The following SOAT1 variants were observed in gnomAD, a reference collection of about 807,000 sequenced individuals.
SOAT1 encodes sterol O-acyltransferase 1.
Under a neutral mutation model 69.5 loss-of-function variants are expected in SOAT1, and 55 were observed. That is an observed-to-expected ratio of 0.79 (90% CI 0.64 to 0.99). The LOEUF (loss-of-function observed/expected upper bound fraction) is 0.99. Ranked by LOEUF, SOAT1 falls within the 50% of genes least tolerant of loss-of-function variation. The pLI is 0.00. For synonymous variants in SOAT1, 231 were observed against 224.7 expected, an observed-to-expected ratio of 1.03 and a Z score of -0.25; for missense variants, 580 against 669.3, an observed-to-expected ratio of 0.87 and a Z score of 1.47.
chr1:179,294,385 A>T (rs1345084624), intron 1 of SOAT1: 1 of 152,228 alleles, frequency 6.6e-6, no homozygotes, highest in Non-Finnish European at 1.5e-5. Flanking sequence ...GTTTTATTGT[A>T]AAATATTAGG....
In SOAT1 at chr1:179,357,762, T is replaced by A. The variant is rs780761826; in HGVS notation, c.*4121T>A. 1.3e-5 allele frequency: 2 copies of A among 152,316 alleles called. No homozygotes were observed. The highest frequency in any genetic ancestry group is 2.9e-5 in the Non-Finnish European group (2 of 68,086). 9.4% of individuals were successfully genotyped at this position (152,316 alleles called of 1,614,324 possible). A position where few individuals can be genotyped will look rare whatever the true frequency, so the allele number is the denominator to read the frequency against. ...TACAAAAATTAGCCAGGCGTGGTGG[T>A]GCACGCCTGTAGTCTCAGCTACTCA... On this transcript the variant is annotated 3_prime_UTR_variant, in exon 16 of 16. Coordinates refer to ENST00000367619, the MANE Select transcript of SOAT1 (RefSeq NM_003101.6).
intron 7 of SOAT1, 51 bp from the exon 8 acceptor site, chr1:179,342,063 C>T: frequency 6.2e-7 from 1 of 1,610,788 alleles, no homozygotes; most frequent in Non-Finnish European, 8.5e-7. Context: ...GGAAAGGACA[C>T]TTGCAGGAGA....
At chr1:179,330,939 A>G (rs1421339178) in intron 3 of SOAT1, among the ~76,000 whole-genome samples, 6 of 152,196 alleles carry the variant, frequency 3.9e-5, no homozygotes, top group African/African-American at 1.4e-4. Flanking sequence ...AGACTGGGAA[A>G]CTTATTTACT....
At chr1:179,342,830 C>T in intron 8 of SOAT1, 32 bp from the exon 9 acceptor site, 2 of 1,515,852 alleles carry the variant, frequency 1.3e-6, no homozygotes, top group Non-Finnish European at 1.8e-6. Context: ...AATCAAAGAG[C>T]CTTTGCTCTA....
intron 2 of SOAT1, among the ~76,000 whole-genome samples, chr1:179,308,540 T>TG (rs1412636898): frequency 1.3e-5 from 2 of 151,768 alleles, no homozygotes; most frequent in African/African-American, 4.8e-5. Context: ...GGCGTGGTGG[T>TG]GGGTGCCTGT....
chr1:179,353,211 A>ATATATATATATATATATATATTTT (rs1553248891), intron 15 of SOAT1, among the ~76,000 whole-genome samples: 1 of 64,522 alleles, frequency 1.5e-5, no homozygotes, highest in Non-Finnish European at 3.2e-5. Flanking sequence ...ATATATAAAT[A>ATATATATATATATATATATATTTT]TATATATATA....
intron 15 of SOAT1, among the ~76,000 whole-genome samples, chr1:179,351,890 T>G (rs1440014549): frequency 3.3e-5 from 5 of 151,814 alleles, no homozygotes; most frequent in Non-Finnish European, 7.4e-5. Flanking sequence ...CGCTAAATTT[T>G]TGTATTTTTA....
In SOAT1 at chr1:179,351,721, A is replaced by ATTTTTTTTTTTTTTTTTTTT. The variant is rs71901753; in HGVS notation, c.1596+275_1596+276insTTTTTTTTTTTTTTTTTTTT. On this transcript the variant is annotated intron_variant, in intron 15 of 15. Transcript: ENST00000367619. Reference sequence around the variant, plus strand: ...ACTGCCTTTTCTTCAGCCCCTTCTAATTTTTTTTTTTTTTTTGAGACAGAG... The same window carrying ATTTTTTTTTTTTTTTTTTTT: ...ACTGCCTTTTCTTCAGCCCCTTCTAATTTTTTTTTTTTTTTTTTTTTTTTTTTTTTTTTTTTGAGACAGAG... 6.6e-5 allele frequency among the ~76,000 whole-genome samples: 7 copies of ATTTTTTTTTTTTTTTTTTTT among 106,468 alleles called. 2 individuals are homozygous for ATTTTTTTTTTTTTTTTTTTT. Among genetic ancestry groups the ATTTTTTTTTTTTTTTTTTTT allele is most frequent in the African/African-American group, 2.8e-4 (7 of 25,112 alleles). The allele number at this position is 106,468 out of a possible 152,430, so 69.8% of individuals were successfully genotyped here.
At chr1:179,309,662 T>C (rs554483944) in intron 2 of SOAT1, among the ~76,000 whole-genome samples, 336 of 152,106 alleles carry the variant, frequency 2.2e-3, no homozygotes, top group African/African-American at 7.6e-3. Flanking sequence ...TTAAAAGCCC[T>C]GTTCATATCC....
Position 179,306,849 on chromosome 1 carries a change from A to AC in SOAT1, c.118+4047_118+4048insC, listed in dbSNP as rs1379464088. Among the ~76,000 whole-genome samples, 705 of 151,184 alleles carry AC rather than the reference A, an allele frequency of 4.7e-3. 9 individuals are homozygous for AC. The highest frequency in any genetic ancestry group is 0.017 in the African/African-American group (678 of 41,032). On this transcript the variant is annotated intron_variant, in intron 2 of 15. Coordinates refer to ENST00000367619, the MANE Select transcript of SOAT1 (RefSeq NM_003101.6). ...CCATCTCAAAAAAAAAAAAAAAAAA[A>AC]AGCAGCACCACCATATGCTGTCACA...
At position 179,302,783 on chromosome 1, in the gene SOAT1, C is replaced by A. The variant is rs745736702; in HGVS notation, c.99C>A (p.Ser33=). Residue 33 remains serine (S), a synonymous_variant, in exon 2 of 16, where the codon TCC becomes TCA. Coordinates refer to ENST00000367619, the MANE Select transcript of SOAT1 (RefSeq NM_003101.6). ...DEDQRNPAKE[S]LETPSNGRID... ...ACCAGAGAAACCCTGCAAAGGAGTC[C>A]CTAGAGACACCTAGTAATGGTGAGG... is the stretch of plus-strand genomic sequence containing the variant. The A allele has an allele frequency of 3.2e-6, 5 of 1,576,308 alleles. No homozygotes were observed. Among genetic ancestry groups the A allele is most frequent in the Non-Finnish European group, 2.6e-6 (3 of 1,167,830 alleles).
chr1:179,313,734 G>A (rs779044160), intron 2 of SOAT1, among the ~76,000 whole-genome samples: 3 of 152,064 alleles, frequency 2.0e-5, no homozygotes, highest in Non-Finnish European at 4.4e-5. Context: ...ATAGGCATGC[G>A]CCACCACGCC....
At chr1:179,319,914 C>G (rs533201670) in intron 2 of SOAT1, among the ~76,000 whole-genome samples, 13 of 152,208 alleles carry the variant, frequency 8.5e-5, no homozygotes, top group African/African-American at 3.1e-4. Context: ...CCATGCCTGG[C>G]CTATTTGTCT....
chr1:179,318,036 T>TA (rs35863158), intron 2 of SOAT1, among the ~76,000 whole-genome samples: 52 of 150,810 alleles, frequency 3.4e-4, no homozygotes, highest in African/African-American at 1.2e-3. Flanking sequence ...ACAAAACACT[T>TA]AAAAAAAAAT....
intron 3 of SOAT1, 132 bp downstream of exon 3, chr1:179,323,627 A>C (rs1009826574): frequency 1.2e-5 from 9 of 728,108 alleles, no homozygotes; most frequent in African/African-American, 3.6e-5. Flanking sequence ...CTGTGGAACA[A>C]GAAAATAAGA....
At chr1:179,310,119 C>T (rs1571411600) in intron 2 of SOAT1, among the ~76,000 whole-genome samples, 4 of 152,122 alleles carry the variant, frequency 2.6e-5, no homozygotes, top group Admixed American at 6.5e-5. Context: ...AGGCTGGTCT[C>T]GAACTGCTGA....
Position 179,354,174 on chromosome 1 carries a change from G to A in SOAT1, c.*533G>A, listed in dbSNP as rs1666837734. 1 of 152,654 alleles carries A rather than the reference G, an allele frequency of 6.6e-6. No homozygotes were observed. Among genetic ancestry groups the A allele is most frequent in the Non-Finnish European group, 1.5e-5 (1 of 68,084 alleles). 9.5% of individuals were successfully genotyped at this position (152,654 alleles called of 1,614,324 possible). ...AAAATGTCTGTTTTCCAAAGATAATGTTATACATCCTATTTTGTAATTTTT... is the reference window on the plus strand; with the variant it reads ...AAAATGTCTGTTTTCCAAAGATAATATTATACATCCTATTTTGTAATTTTT... On this transcript the variant is annotated 3_prime_UTR_variant, in exon 16 of 16. Coordinates refer to ENST00000367619, the MANE Select transcript of SOAT1 (RefSeq NM_003101.6).
At chr1:179,300,772 T>C (rs1664807416) in intron 1 of SOAT1, among the ~76,000 whole-genome samples, 1 of 152,204 alleles carries the variant, frequency 6.6e-6, no homozygotes, top group Admixed American at 6.5e-5. Context: ...CTTTATCACA[T>C]AGTGAAACAC....
chr1:179,351,263 C>G lies in SOAT1; in HGVS notation c.1451-54C>G, dbSNP rs951635062. 53 of 1,540,702 alleles carry G rather than the reference C, an allele frequency of 3.4e-5. No homozygotes were observed. In the African/African-American group the frequency reaches 6.4e-4, roughly 19 times the overall value. Reference sequence around the variant, plus strand: ...TTCACCATGTTGGCCAGGCTGGTCTCGAACTTCTGACCTCTGATAACTGTA... The same window carrying G: ...TTCACCATGTTGGCCAGGCTGGTCTGGAACTTCTGACCTCTGATAACTGTA... On this transcript the variant is annotated intron_variant, in intron 14 of 15. Transcript: ENST00000367619.
Sources: allele counts gnomAD v4.1 joint callset (sites outside exome capture counted in the v4.1 genomes callset), GRCh38; gene constraint gnomAD v4.1.1; transcripts MANE v1.5; gene names NCBI Gene and HGNC (gene_info 2026-07-23, HGNC 2026-07-21).